The following ZNG1C variants were observed in gnomAD, a reference collection of about 807,000 sequenced individuals.
The protein encoded by ZNG1C is zinc-regulated GTPase metalloprotein activator 1C.
chr9:68,271,781 A>G, the ZNG1C span, among the ~76,000 whole-genome samples: 17 of 150,718 alleles, frequency 1.1e-4, no homozygotes, highest in African/African-American at 4.2e-4. Context: ...TTTCTTCTGT[A>G]GGGAGCAAGG....
At chr9:68,278,557 G>A in the ZNG1C span, among the ~76,000 whole-genome samples, 45 of 52,350 alleles carry the variant, frequency 8.6e-4, no homozygotes, top group African/African-American at 1.9e-3. Context: ...CCTTCATTTC[G>A]TTATGTACCC....
At chr9:68,272,031 A>G in the ZNG1C span, among the ~76,000 whole-genome samples, 3 of 137,820 alleles carry the variant, frequency 2.2e-5, no homozygotes, top group Admixed American at 7.7e-5. Flanking sequence ...TTGCTCAGCT[A>G]TTTACTGAGC....
At chr9:68,287,251 A>G in the ZNG1C span, among the ~76,000 whole-genome samples, 6 of 152,152 alleles carry the variant, frequency 3.9e-5, no homozygotes, top group Non-Finnish European at 8.8e-5. Flanking sequence ...TATTTGTTAA[A>G]AGAATGAAAA....
At chr9:68,247,046 G>A in the ZNG1C span, among the ~76,000 whole-genome samples, 2 of 151,364 alleles carry the variant, frequency 1.3e-5, no homozygotes, top group Non-Finnish European at 2.9e-5. Context: ...GTTAGCGAGG[G>A]TGGTCTCGAT....
the ZNG1C span, among the ~76,000 whole-genome samples, chr9:68,286,865 A>T: frequency 1.4e-5 from 2 of 139,652 alleles, no homozygotes; most frequent in South Asian, 2.2e-4. Flanking sequence ...CTCTTCACTT[A>T]TCTTTAAAAT....
At chr9:68,292,179 C>G in the ZNG1C span, among the ~76,000 whole-genome samples, 1 of 151,494 alleles carries the variant, frequency 6.6e-6, no homozygotes, top group African/African-American at 2.4e-5. Context: ...AGAATCTGAA[C>G]AACAACCTTC....
the ZNG1C span, chr9:68,270,921 T>C: frequency 4.7e-5 from 7 of 149,106 alleles, no homozygotes; most frequent in African/African-American, 1.7e-4. Flanking sequence ...CCCGGAGATA[T>C]GGTTAACAAA....
the ZNG1C span, chr9:68,299,182 C>T: frequency 6.9e-7 from 1 of 1,447,008 alleles, no homozygotes; most frequent in South Asian, 1.4e-5. Context: ...ATTAACCATT[C>T]AGGTCCTCTT....
At chr9:68,267,141 C>A in the ZNG1C span, among the ~76,000 whole-genome samples, 547 of 150,702 alleles carry the variant, frequency 3.6e-3, no homozygotes, top group African/African-American at 0.012. Flanking sequence ...ATGCTTTGAG[C>A]GTGATGGCTC....
At chr9:68,276,140 T>A in the ZNG1C span, among the ~76,000 whole-genome samples, 1 of 144,650 alleles carries the variant, frequency 6.9e-6, no homozygotes, top group East Asian at 2.0e-4. Flanking sequence ...CGCCCACTTT[T>A]TGATGGGGTG....
chr9:68,284,951 C>T, the ZNG1C span, among the ~76,000 whole-genome samples: 117 of 148,998 alleles, frequency 7.9e-4, no homozygotes, highest in South Asian at 0.025. Context: ...CATTGTCCAA[C>T]AACATTAAAT....
chr9:68,289,363 G>A, the ZNG1C span, among the ~76,000 whole-genome samples: 1 of 149,806 alleles, frequency 6.7e-6, no homozygotes, highest in East Asian at 2.0e-4. Flanking sequence ...ACTGAGTATG[G>A]ATCAGAAAGA....
chr9:68,294,053 C>T, the ZNG1C span, among the ~76,000 whole-genome samples: 3 of 151,888 alleles, frequency 2.0e-5, no homozygotes, highest in Non-Finnish European at 2.9e-5. Flanking sequence ...CATGCAGATA[C>T]ATGGAATAAC....
the ZNG1C span, chr9:68,269,186 A>T: frequency 3.8e-6 from 2 of 520,644 alleles, no homozygotes; most frequent in South Asian, 2.2e-5. Flanking sequence ...CAAAACTAAG[A>T]TTACAAAGCC....
chr9:68,285,324 G>A, the ZNG1C span: 2 of 136,244 alleles, frequency 1.5e-5, no homozygotes, highest in Non-Finnish European at 3.2e-5. Flanking sequence ...AAGGTTTTCA[G>A]TCCTTTCCCC....
chr9:68,244,527 C>T, the ZNG1C span, among the ~76,000 whole-genome samples: 1 of 123,182 alleles, frequency 8.1e-6, no homozygotes, highest in Non-Finnish European at 1.7e-5. Context: ...GTATAGCCTA[C>T]ATGTAAAAGT....
At chr9:68,294,142 G>A in the ZNG1C span, among the ~76,000 whole-genome samples, 2 of 149,584 alleles carry the variant, frequency 1.3e-5, no homozygotes, top group African/African-American at 4.9e-5. Flanking sequence ...TGACAATAGT[G>A]ACACAACCTA....
At chr9:68,271,959 GC>G in the ZNG1C span, among the ~76,000 whole-genome samples, 1 of 149,842 alleles carries the variant, frequency 6.7e-6, no homozygotes, top group Non-Finnish European at 1.5e-5. Flanking sequence ...AGTTTGAAGT[GC>G]CACTGGGGAA....
the ZNG1C span, among the ~76,000 whole-genome samples, chr9:68,246,427 C>T: frequency 9.6e-6 from 1 of 104,470 alleles, no homozygotes; most frequent in Non-Finnish European, 1.9e-5. Context: ...CTGTTTTTTT[C>T]ATCATCTTAT....
Sources: gnomAD v4.1 joint callset for allele counts (sites outside exome capture counted in the v4.1 genomes callset) on GRCh38, gnomAD v4.1.1 for gene constraint, MANE v1.5 for transcripts, NCBI Gene and HGNC (gene_info 2026-07-23, HGNC 2026-07-21) for gene names.